Variants in PLPPR1 observed in about 807,000 individuals in gnomAD.
PLPPR1 encodes the protein phospholipid phosphatase-related protein type 1.
Under a neutral mutation model 33.1 loss-of-function variants are expected in PLPPR1, and 10 were observed. The ratio of observed to expected loss-of-function variants is 0.30; its 90% CI spans 0.19 to 0.51. The LOEUF (loss-of-function observed/expected upper bound fraction) is 0.51. Among genes scored for constraint, PLPPR1 ranks in the 20% least tolerant of loss-of-function variants. The pLI, the probability that PLPPR1 is intolerant of heterozygous loss-of-function variation, is 0.97. For synonymous variants in PLPPR1, 151 were observed against 151.0 expected, an observed-to-expected ratio of 1.00 and a Z score of 0.00; for missense variants, 304 against 408.1, an observed-to-expected ratio of 0.74 and a Z score of 2.20.
At chr9:101,071,561 T>A (rs886838898) in intron 1 of PLPPR1, among the ~76,000 whole-genome samples, 3 of 150,512 alleles carry the variant, frequency 2.0e-5, no homozygotes, top group African/African-American at 4.9e-5. Flanking sequence ...CTTGCAGAAC[T>A]TGGAGAAACA....
chr9:101,153,411 C>T (rs1328889025), intron 1 of PLPPR1, among the ~76,000 whole-genome samples: 2 of 152,176 alleles, frequency 1.3e-5, no homozygotes, highest in African/African-American at 4.8e-5. Context: ...TTGCCCTGGC[C>T]AGAACTTCCA....
At chr9:101,289,044 C>T (rs955856268) in intron 4 of PLPPR1, among the ~76,000 whole-genome samples, 4 of 152,234 alleles carry the variant, frequency 2.6e-5, no homozygotes, top group African/African-American at 9.6e-5. Flanking sequence ...TCTCCAGCCT[C>T]ATCCCGAGCC....
intron 2 of PLPPR1, among the ~76,000 whole-genome samples, chr9:101,257,041 G>T (rs138212484): frequency 0.014 from 2,188 of 152,088 alleles, 42 homozygotes; most frequent in African/African-American, 0.048. Flanking sequence ...TGCGCCATGG[G>T]TAGAAAGTGG....
At chr9:101,317,314 G>T in intron 6 of PLPPR1, 51 bp from the exon 7 acceptor site, 1 of 1,578,348 alleles carries the variant, frequency 6.3e-7, no homozygotes, top group Non-Finnish European at 8.6e-7. Context: ...CAGATGCCAG[G>T]CATTGATGGC....
intron 1 of PLPPR1, among the ~76,000 whole-genome samples, chr9:101,064,665 G>A (rs1275810099): frequency 3.3e-5 from 5 of 152,044 alleles, no homozygotes; most frequent in East Asian, 1.9e-4. Context: ...GTGCATCTTC[G>A]TCTGTTTTCT....
At position 101,323,787 on chromosome 9, in the gene PLPPR1, T is replaced by G. The variant is rs186987083; in HGVS notation, c.946-238T>G. ...CCAGGAGGGAGAGGTTGCAGTAAGC[T>G]GAGATTGCACCATTGCACTCCAGCC... On this transcript the variant is annotated intron_variant, in intron 7 of 7. Coordinates refer to ENST00000374874, the MANE Select transcript of PLPPR1 (RefSeq NM_207299.2). Among the ~76,000 whole-genome samples, 52 of 151,928 alleles carry G rather than the reference T, an allele frequency of 3.4e-4. 2 individuals carry two copies. In the East Asian group the frequency reaches 9.2e-3, roughly 27 times the overall value.
In PLPPR1 at chr9:101,137,079, T is replaced by C. The variant is rs553308627; in HGVS notation, c.-45-48371T>C. On this transcript the variant is annotated intron_variant, in intron 1 of 7. Coordinates refer to ENST00000374874, the MANE Select transcript of PLPPR1 (RefSeq NM_207299.2). Reference sequence around the variant, plus strand: ...GTGGTTATTACACGTTGTATGCTTGTTTCAAAATATCTTATATACCCTGTA... The same window carrying C: ...GTGGTTATTACACGTTGTATGCTTGCTTCAAAATATCTTATATACCCTGTA... Among the ~76,000 whole-genome samples the C allele has an allele frequency of 3.3e-5, 5 of 152,312 alleles. No homozygotes were observed. In the East Asian group the frequency reaches 9.7e-4, roughly 29 times the overall value.
chr9:101,111,256 G>T (rs1329084), intron 1 of PLPPR1, among the ~76,000 whole-genome samples: 2 of 151,850 alleles, frequency 1.3e-5, no homozygotes, highest in Non-Finnish European at 2.9e-5. Flanking sequence ...AATTCAAGTC[G>T]TTTTCAGAAA....
At chr9:101,154,027 T>C (rs1276057425) in intron 1 of PLPPR1, among the ~76,000 whole-genome samples, 1 of 152,236 alleles carries the variant, frequency 6.6e-6, no homozygotes, top group Middle Eastern at 3.2e-3. Context: ...GATTTGTGTA[T>C]GTTGAACCAG....
chr9:101,200,581 C>T (rs1396255429), intron 2 of PLPPR1, among the ~76,000 whole-genome samples: 1 of 152,176 alleles, frequency 6.6e-6, no homozygotes, highest in African/African-American at 2.4e-5. Context: ...ATCCAGGGTA[C>T]TTATTACCTA....
chr9:101,168,306 TG>T (rs1206059284), intron 1 of PLPPR1, among the ~76,000 whole-genome samples: 5 of 152,274 alleles, frequency 3.3e-5, no homozygotes, highest in Admixed American at 6.5e-5. Context: ...CTATCTGCAG[TG>T]CTACTTTCCT....
chr9:101,196,540 A>G (rs1826396073), intron 2 of PLPPR1, among the ~76,000 whole-genome samples: 1 of 152,220 alleles, frequency 6.6e-6, no homozygotes, highest in Admixed American at 6.5e-5. Flanking sequence ...GTCCCTTTAT[A>G]TAGTGGACCA....
intron 2 of PLPPR1, among the ~76,000 whole-genome samples, chr9:101,233,639 G>A (rs1006698559): frequency 6.6e-6 from 1 of 151,910 alleles, no homozygotes; most frequent in Non-Finnish European, 1.5e-5. Context: ...TCTTGCTATT[G>A]CTCTTTCTCT....
At chr9:101,297,150 A>G (rs1481560279) in intron 4 of PLPPR1, among the ~76,000 whole-genome samples, 1 of 152,138 alleles carries the variant, frequency 6.6e-6, no homozygotes, top group Non-Finnish European at 1.5e-5. Flanking sequence ...TGGCTTTCTA[A>G]TGTTCCATAA....
chr9:101,147,213 T>C (rs1831531669), intron 1 of PLPPR1, among the ~76,000 whole-genome samples: 1 of 152,206 alleles, frequency 6.6e-6, no homozygotes, highest in South Asian at 2.1e-4. Flanking sequence ...TGGTCTAGTA[T>C]ATTTCCAATG....
At chr9:101,140,030 C>G (rs574244555) in intron 1 of PLPPR1, among the ~76,000 whole-genome samples, 5 of 152,140 alleles carry the variant, frequency 3.3e-5, no homozygotes, top group Admixed American at 1.3e-4. Flanking sequence ...AATTGCCATT[C>G]GATGGAGTTA....
Position 101,303,800 on chromosome 9 carries a change from T to C in PLPPR1, c.386-5411T>C, listed in dbSNP as rs553836803. 2.4e-3 allele frequency among the ~76,000 whole-genome samples: 362 copies of C among 152,306 alleles called. 2 individuals are homozygous for C. The highest frequency in any genetic ancestry group is 7.9e-3 in the African/African-American group (327 of 41,566). ...TTTTTTAAAGTTCCATGTGTTAGTT[T>C]CCCCACATGAAAATGTATAGAAGTT... On this transcript the variant is annotated intron_variant, in intron 4 of 7. Transcript: ENST00000374874.
intron 1 of PLPPR1, among the ~76,000 whole-genome samples, chr9:101,052,097 AAT>A (rs2118446123): frequency 6.6e-6 from 1 of 152,348 alleles, no homozygotes; most frequent in South Asian, 2.1e-4. Flanking sequence ...TAATCAGTAA[AAT>A]ATAGATAAGA....
At chr9:101,203,458 T>C (rs2084189740) in intron 2 of PLPPR1, among the ~76,000 whole-genome samples, 1 of 152,150 alleles carries the variant, frequency 6.6e-6, no homozygotes, top group Non-Finnish European at 1.5e-5. Context: ...TGTAGCCATA[T>C]GGCCTTGAAG....
Sources: allele counts gnomAD v4.1 joint callset (sites outside exome capture counted in the v4.1 genomes callset), GRCh38; gene constraint gnomAD v4.1.1; transcripts MANE v1.5; gene names NCBI Gene and HGNC (gene_info 2026-07-23, HGNC 2026-07-21).